The following SCHIP1 variants were observed in gnomAD, a reference collection of about 807,000 sequenced individuals.
SCHIP1 encodes schwannomin interacting protein 1.
A neutral mutation model predicts 29.7 loss-of-function variants in SCHIP1; 8 were observed. The observed-to-expected ratio is 0.27, with a 90% confidence interval of 0.16 to 0.49. The LOEUF (loss-of-function observed/expected upper bound fraction) is 0.49. Among genes scored for constraint, SCHIP1 ranks in the 20% least tolerant of loss-of-function variants. The pLI, the probability that SCHIP1 is intolerant of heterozygous loss-of-function variation, is 0.99. For missense variants in SCHIP1, 193 were observed against 294.6 expected (o/e 0.66, Z 2.52); for synonymous variants, 76 against 94.9 (o/e 0.80, Z 1.16).
the SCHIP1 span, among the ~76,000 whole-genome samples, chr3:159,592,315 G>C: frequency 1.3e-5 from 2 of 152,048 alleles, no homozygotes; most frequent in East Asian, 3.9e-4. Context: ...AAGTACCTCT[G>C]AACGTACATT....
the SCHIP1 span, among the ~76,000 whole-genome samples, chr3:159,545,400 C>T: frequency 9.9e-5 from 15 of 151,810 alleles, 1 homozygote; most frequent in Admixed American, 9.9e-4. Flanking sequence ...AGAGACTGGC[C>T]TAGCCTCCCA....
the SCHIP1 span, among the ~76,000 whole-genome samples, chr3:159,378,143 G>A: frequency 6.6e-6 from 1 of 152,196 alleles, no homozygotes; most frequent in Non-Finnish European, 1.5e-5. Flanking sequence ...GCTATCTTCA[G>A]TAGCCACATA....
At chr3:159,568,679 TTGGTGAG>T in the SCHIP1 span, among the ~76,000 whole-genome samples, 39 of 152,242 alleles carry the variant, frequency 2.6e-4, no homozygotes, top group Admixed American at 7.2e-4. Flanking sequence ...TATTTTCTAA[TTGGTGAG>T]TGCAAGTCTG....
chr3:159,672,762 G>A, the SCHIP1 span, among the ~76,000 whole-genome samples: 1 of 152,114 alleles, frequency 6.6e-6, no homozygotes, highest in Admixed American at 6.5e-5. Flanking sequence ...TAATCTTACT[G>A]GTCCTCAGTC....
the SCHIP1 span, among the ~76,000 whole-genome samples, chr3:159,426,008 C>CAA: frequency 4.6e-5 from 7 of 152,200 alleles, no homozygotes; most frequent in East Asian, 1.4e-3. Flanking sequence ...AACAAAGACA[C>CAA]AACATACCAG....
the SCHIP1 span, among the ~76,000 whole-genome samples, chr3:159,581,583 A>T: frequency 6.6e-6 from 1 of 152,158 alleles, no homozygotes; most frequent in African/African-American, 2.4e-5. Context: ...CCCCCATGAT[A>T]TCAGAGGACA....
At chr3:159,346,822 C>G in the SCHIP1 span, among the ~76,000 whole-genome samples, 1 of 152,008 alleles carries the variant, frequency 6.6e-6, no homozygotes, top group African/African-American at 2.4e-5. Flanking sequence ...AATGTGTGCA[C>G]TCTCAAAAAG....
the SCHIP1 span, among the ~76,000 whole-genome samples, chr3:159,399,976 A>C: frequency 3.9e-5 from 6 of 152,138 alleles, no homozygotes; most frequent in Non-Finnish European, 8.8e-5. Flanking sequence ...GGCATATTTT[A>C]AAAATGCAGG....
At chr3:159,668,271 G>A in the SCHIP1 span, among the ~76,000 whole-genome samples, 1 of 151,966 alleles carries the variant, frequency 6.6e-6, no homozygotes, top group African/African-American at 2.4e-5. Flanking sequence ...CAGCTACTCG[G>A]GAGGCTGAGG....
At chr3:159,445,761 T>C in the SCHIP1 span, among the ~76,000 whole-genome samples, 1 of 150,660 alleles carries the variant, frequency 6.6e-6, no homozygotes, top group African/African-American at 2.4e-5. Flanking sequence ...TCATTCTCAG[T>C]AAACTATCGC....
the SCHIP1 span, among the ~76,000 whole-genome samples, chr3:159,675,117 T>G: frequency 6.6e-6 from 1 of 152,208 alleles, no homozygotes; most frequent in Non-Finnish European, 1.5e-5. Flanking sequence ...AGCAGACAGG[T>G]AGCTGGTTTG....
chr3:159,532,076 G>A, the SCHIP1 span, among the ~76,000 whole-genome samples: 3 of 152,088 alleles, frequency 2.0e-5, no homozygotes, highest in East Asian at 1.9e-4. Flanking sequence ...ATAATTGATA[G>A]CAAAGCTATA....
At chr3:159,626,089 T>TAG in the SCHIP1 span, among the ~76,000 whole-genome samples, 34 of 98,114 alleles carry the variant, frequency 3.5e-4, no homozygotes, top group Admixed American at 1.7e-3. Context: ...GTGCAGCTTA[T>TAG]ATAGATAGAT....
chr3:159,556,355 T>G, the SCHIP1 span, among the ~76,000 whole-genome samples: 1 of 151,998 alleles, frequency 6.6e-6, no homozygotes. Context: ...TGGAAGTCAG[T>G]GTGGCGATTC....
chr3:159,568,121 A>G, the SCHIP1 span, among the ~76,000 whole-genome samples: 9 of 152,162 alleles, frequency 5.9e-5, no homozygotes, highest in African/African-American at 2.2e-4. Context: ...CCTGATGAAT[A>G]AGGAATTCAA....
At chr3:159,436,007 G>A in the SCHIP1 span, among the ~76,000 whole-genome samples, 10 of 152,156 alleles carry the variant, frequency 6.6e-5, no homozygotes, top group Middle Eastern at 3.4e-3. Context: ...CCTCCTAAGT[G>A]TGTGTCTTAA....
intron 2 of SCHIP1, among the ~76,000 whole-genome samples, chr3:159,884,681 C>T (rs555334999): frequency 1.3e-5 from 2 of 152,256 alleles, no homozygotes; most frequent in African/African-American, 2.4e-5. Flanking sequence ...TTAATCCTTC[C>T]TGCATAACAC....
intron 1 of SCHIP1, among the ~76,000 whole-genome samples, chr3:159,851,052 T>C (rs1712560964): frequency 6.6e-6 from 1 of 152,180 alleles, no homozygotes; most frequent in African/African-American, 2.4e-5. Flanking sequence ...GATAGGAAGA[T>C]CACCTGAGCC....
At chr3:159,542,553 C>T in the SCHIP1 span, among the ~76,000 whole-genome samples, 1 of 151,990 alleles carries the variant, frequency 6.6e-6, no homozygotes, top group Non-Finnish European at 1.5e-5. Flanking sequence ...GTATTCATTC[C>T]TTTTTATTGC....
Sources: allele counts gnomAD v4.1 joint callset (sites outside exome capture counted in the v4.1 genomes callset), GRCh38; gene constraint gnomAD v4.1.1; transcripts MANE v1.5; gene names NCBI Gene and HGNC (gene_info 2026-07-23, HGNC 2026-07-21).